The following RTL4 variants were observed in gnomAD, a reference collection of about 807,000 sequenced individuals.
The protein encoded by RTL4 is retrotransposon Gag-like protein 4.
A neutral mutation model predicts 5.3 loss-of-function variants in RTL4; 4 were observed. That is an observed-to-expected ratio of 0.75 (90% CI 0.37 to 1.72). The LOEUF is 1.72. RTL4 is among the 40% of genes most tolerant of loss of function. The pLI is 0.04. For missense variants in RTL4, 260 were observed against 227.1 expected (o/e 1.14, Z -0.93); for synonymous variants, 98 against 87.3 (o/e 1.12, Z -0.68).
At chrX:112,361,347 C>T in the RTL4 span, among the ~76,000 whole-genome samples, 6 of 111,445 alleles carry the variant, frequency 5.4e-5, no homozygotes, top group Non-Finnish European at 9.4e-5. Context: ...TTCCTAGGCT[C>T]TCTGTTTTTA....
the RTL4 span, among the ~76,000 whole-genome samples, chrX:112,115,016 G>A: frequency 9.0e-6 from 1 of 110,814 alleles, no homozygotes; most frequent in African/African-American, 3.3e-5. Flanking sequence ...AGGGTTTTTG[G>A]GTCAAATTGG....
At chrX:112,384,323 T>C in the RTL4 span, among the ~76,000 whole-genome samples, 4 of 111,985 alleles carry the variant, frequency 3.6e-5, no homozygotes, top group Non-Finnish European at 7.5e-5. Flanking sequence ...TTTTCTTCTA[T>C]GGTTTTTATG....
At chrX:112,352,961 C>T in the RTL4 span, among the ~76,000 whole-genome samples, 14 of 111,459 alleles carry the variant, frequency 1.3e-4, no homozygotes, top group Non-Finnish European at 2.3e-4. Flanking sequence ...CCAGAATCTA[C>T]AATGGACACA....
At chrX:112,452,717 A>T (rs1447031640), upstream of RTL4, among the ~76,000 whole-genome samples, 2 of 111,696 alleles carry the variant, frequency 1.8e-5, no homozygotes, top group Admixed American at 1.9e-4. Context: ...CATTGATATA[A>T]CCACCTTCTG....
chrX:112,138,534 C>T, the RTL4 span, among the ~76,000 whole-genome samples: 1 of 110,956 alleles, frequency 9.0e-6, no homozygotes, highest in African/African-American at 3.3e-5. Context: ...TAGTTGTATA[C>T]ATTCAATCTG....
At chrX:112,375,757 G>A in the RTL4 span, among the ~76,000 whole-genome samples, 5 of 111,262 alleles carry the variant, frequency 4.5e-5, no homozygotes, top group East Asian at 5.7e-4. Flanking sequence ...GAGTGATGAC[G>A]GTAGAATGCT....
the RTL4 span, among the ~76,000 whole-genome samples, chrX:112,375,707 C>T: frequency 9.0e-6 from 1 of 111,576 alleles, no homozygotes; most frequent in African/African-American, 3.3e-5. Flanking sequence ...CAAAGATGTT[C>T]TAATCTGTGG....
chrX:112,436,698 G>T, the RTL4 span, among the ~76,000 whole-genome samples: 1 of 109,637 alleles, frequency 9.1e-6, no homozygotes, highest in Non-Finnish European at 1.9e-5. Flanking sequence ...TGGAACTTTC[G>T]GAGTAAATTT....
chrX:112,125,810 C>T, the RTL4 span, among the ~76,000 whole-genome samples: 1 of 111,533 alleles, frequency 9.0e-6, no homozygotes, highest in African/African-American at 3.3e-5. Flanking sequence ...TGAAGGCAAC[C>T]AAGGGATGAC....
At chrX:112,207,496 T>C in the RTL4 span, among the ~76,000 whole-genome samples, 1 of 112,138 alleles carries the variant, frequency 8.9e-6, no homozygotes, top group South Asian at 3.7e-4. Context: ...AATTAATGGA[T>C]TGCAAATTTA....
chrX:112,169,046 T>TTCTTTCTTTCTTTCTG, the RTL4 span, among the ~76,000 whole-genome samples: 123 of 33,657 alleles, frequency 3.7e-3, no homozygotes, highest in African/African-American at 9.7e-3. Context: ...CTTTCTTTCT[T>TTCTTTCTTTCTTTCTG]TCTTTCTTTC....
the RTL4 span, among the ~76,000 whole-genome samples, chrX:112,175,794 G>A: frequency 9.0e-6 from 1 of 111,124 alleles, no homozygotes; most frequent in Admixed American, 9.7e-5. Context: ...GCAAAAACTG[G>A]AAGCATTCCC....
chrX:112,437,796 GTGGTGA>G, the RTL4 span, among the ~76,000 whole-genome samples: 1 of 80,595 alleles, frequency 1.2e-5, no homozygotes, highest in Non-Finnish European at 2.3e-5. Context: ...GGTAGTGGTG[GTGGTGA>G]TGGTGGTGGT....
the RTL4 span, among the ~76,000 whole-genome samples, chrX:112,393,165 T>TG: frequency 5.9e-5 from 6 of 101,357 alleles, no homozygotes; most frequent in African/African-American, 2.4e-4. Context: ...TTTTTTGTTT[T>TG]TTTTTTTTGT....
chrX:112,400,593 G>A, the RTL4 span, among the ~76,000 whole-genome samples: 2 of 111,041 alleles, frequency 1.8e-5, no homozygotes, highest in East Asian at 5.6e-4. Context: ...AGTAATTTTT[G>A]TTTGGAAGAC....
chrX:112,365,575 C>T, the RTL4 span, among the ~76,000 whole-genome samples: 1 of 111,076 alleles, frequency 9.0e-6, no homozygotes, highest in Admixed American at 9.5e-5. Flanking sequence ...TTGTAGATTC[C>T]CTGGGAGGAT....
chrX:112,434,011 C>T, the RTL4 span, among the ~76,000 whole-genome samples: 12,080 of 82,578 alleles, frequency 0.15, 1,083 homozygotes, highest in Non-Finnish European at 0.18. Context: ...TTGTCTTTGG[C>T]TCTGTTTATA....
At chrX:112,419,792 A>C in the RTL4 span, among the ~76,000 whole-genome samples, 1 of 106,292 alleles carries the variant, frequency 9.4e-6, no homozygotes, top group Non-Finnish European at 1.9e-5. Context: ...GAAAATGGTG[A>C]AGCTCTTGGC....
the RTL4 span, among the ~76,000 whole-genome samples, chrX:112,291,232 C>T: frequency 9.1e-6 from 1 of 110,476 alleles, no homozygotes; most frequent in Non-Finnish European, 1.9e-5. Flanking sequence ...GGGACCACCA[C>T]AGATCAACAT....
Sources: allele counts gnomAD v4.1 joint callset (sites outside exome capture counted in the v4.1 genomes callset), GRCh38; gene constraint gnomAD v4.1.1; transcripts MANE v1.5; gene names NCBI Gene and HGNC (gene_info 2026-07-23, HGNC 2026-07-21).